Variants in ASTN2 observed in about 807,000 individuals in gnomAD.
ASTN2 encodes the protein astrotactin 2.
A neutral mutation model predicts 139.8 loss-of-function variants in ASTN2; 54 were observed. That is an observed-to-expected ratio of 0.39 (90% CI 0.31 to 0.48). The LOEUF (loss-of-function observed/expected upper bound fraction) is 0.48. Among genes scored for constraint, ASTN2 ranks in the 20% least tolerant of loss-of-function variants. The probability of loss-of-function intolerance (pLI) is 0.95; values close to 1 mark genes in which losing one functional copy is unlikely to be tolerated. For synonymous variants in ASTN2, 756 were observed against 719.5 expected, an observed-to-expected ratio of 1.05 and a Z score of -0.81; for missense variants, 1,565 against 1,725.1, an observed-to-expected ratio of 0.91 and a Z score of 1.64.
intron 10 of ASTN2, among the ~76,000 whole-genome samples, chr9:116,886,537 A>G (rs1833600270): frequency 1.1e-4 from 1 of 9,390 alleles, no homozygotes. Flanking sequence ...ACACCTGGCT[A>G]ATGTTGTTGT....
intron 10 of ASTN2, among the ~76,000 whole-genome samples, chr9:116,951,157 G>A (rs1835547087): frequency 6.6e-6 from 1 of 151,818 alleles, no homozygotes; most frequent in Non-Finnish European, 1.5e-5. Flanking sequence ...GACCAACATG[G>A]AGAAACCCTG....
chr9:117,121,621 C>T (rs1014861976), intron 4 of ASTN2, among the ~76,000 whole-genome samples: 6 of 152,192 alleles, frequency 3.9e-5, no homozygotes, highest in Admixed American at 6.5e-5. Context: ...AACAACCCTG[C>T]CATTTGTTAC....
chr9:116,699,245 A>G lies in ASTN2; in HGVS notation c.2806+26526T>C, dbSNP rs1057524533. The G allele has an allele frequency of 2.5e-6, 4 of 1,614,198 alleles. No homozygotes were observed. Among genetic ancestry groups the G allele is most frequent in the Non-Finnish European group, 3.4e-6 (4 of 1,180,030 alleles). ...TTTGGTGTTTCACAGTTGATCGAGG[A>G]TCAGGGGTGGTCAAATACAGCTGCC... On this transcript the variant is annotated intron_variant, in intron 16 of 22. Coordinates refer to ENST00000313400, the MANE Select transcript of ASTN2 (RefSeq NM_001365068.1). This position sits in a 1 kb window ranked among gnomAD's most constrained non-coding sequence, Gnocchi z 4.2.
chr9:117,254,457 C>A (rs777137066), intron 2 of ASTN2, among the ~76,000 whole-genome samples: 6 of 152,162 alleles, frequency 3.9e-5, no homozygotes, highest in Non-Finnish European at 5.9e-5. Flanking sequence ...ATTTGACCAA[C>A]AGCTCCTGAG....
intron 2 of ASTN2, among the ~76,000 whole-genome samples, chr9:117,249,028 C>T (rs900233493): frequency 2.0e-5 from 3 of 152,198 alleles, no homozygotes; most frequent in African/African-American, 7.2e-5. Context: ...TGGCATGTGA[C>T]AAGTCTTGCT....
intron 2 of ASTN2, among the ~76,000 whole-genome samples, chr9:117,285,370 T>C (rs999398795): frequency 6.6e-6 from 1 of 151,786 alleles, no homozygotes; most frequent in Admixed American, 6.6e-5. Flanking sequence ...ATTCCATGAT[T>C]GAATGATTAA....
intron 19 of ASTN2, among the ~76,000 whole-genome samples, chr9:116,509,812 A>G (rs945995221): frequency 6.6e-6 from 1 of 152,132 alleles, no homozygotes; most frequent in African/African-American, 2.4e-5. Context: ...GTCTTCTTTC[A>G]AGAAGTGTCT....
At chr9:116,856,573 A>G (rs746535789) in intron 11 of ASTN2, among the ~76,000 whole-genome samples, 2 of 152,222 alleles carry the variant, frequency 1.3e-5, no homozygotes, top group Non-Finnish European at 2.9e-5. Context: ...CTACTGAACC[A>G]GATTCCAGCT....
chr9:116,933,016 A>G (rs1220526051), intron 10 of ASTN2, among the ~76,000 whole-genome samples: 4 of 151,394 alleles, frequency 2.6e-5, no homozygotes, highest in South Asian at 4.2e-4. Context: ...AAAAAAAAAA[A>G]AAAAAAAAAA....
rs2133082216 is a variant in ASTN2, at chr9:117,245,947, T to C, written c.631-31205A>G. ...TTCATGTATTTTAATGAATATTGCATGAGTATTTACTAGTCCACTTCCCCC... is the reference window on the plus strand; with the variant it reads ...TTCATGTATTTTAATGAATATTGCACGAGTATTTACTAGTCCACTTCCCCC... On this transcript the variant is annotated intron_variant, in intron 2 of 22. Coordinates refer to ENST00000313400, the MANE Select transcript of ASTN2 (RefSeq NM_001365068.1). 2.0e-5 allele frequency among the ~76,000 whole-genome samples: 3 copies of C among 152,296 alleles called. No individual in the cohort carries two copies. In the South Asian group the frequency reaches 6.2e-4, roughly 32 times the overall value.
chr9:117,014,782 C>G (rs1422411294), intron 6 of ASTN2, among the ~76,000 whole-genome samples: 2 of 151,988 alleles, frequency 1.3e-5, no homozygotes, highest in African/African-American at 4.8e-5. Context: ...TATTGGGGCC[C>G]AGGTACACAT....
intron 1 of ASTN2, among the ~76,000 whole-genome samples, chr9:117,370,602 T>C (rs1052979425): frequency 6.6e-6 from 1 of 152,178 alleles, no homozygotes; most frequent in African/African-American, 2.4e-5. Flanking sequence ...TTATTAAATA[T>C]AAACAAGAAA....
chr9:116,965,640 G>A (rs897485297), intron 10 of ASTN2, among the ~76,000 whole-genome samples: 1 of 152,196 alleles, frequency 6.6e-6, no homozygotes, highest in African/African-American at 2.4e-5. Context: ...CCTCATTCCT[G>A]TGGCTGAGCT....
intron 2 of ASTN2, among the ~76,000 whole-genome samples, chr9:117,270,436 G>A (rs553662431): frequency 6.6e-6 from 1 of 152,228 alleles, no homozygotes; most frequent in East Asian, 1.9e-4. Flanking sequence ...GAATCATAAA[G>A]TATTTGTTTT....
intron 1 of ASTN2, among the ~76,000 whole-genome samples, chr9:117,379,682 T>A (rs757892376): frequency 6.6e-6 from 1 of 152,186 alleles, no homozygotes; most frequent in Non-Finnish European, 1.5e-5. Context: ...TCCAGGAGCA[T>A]GTAGATCATT....
intron 10 of ASTN2, among the ~76,000 whole-genome samples, chr9:116,958,983 T>C (rs1835802560): frequency 6.6e-6 from 1 of 151,758 alleles, no homozygotes; most frequent in Non-Finnish European, 1.5e-5. Flanking sequence ...GTGGCAAGAG[T>C]GAAGGCAGGA....
At chr9:117,141,260 C>T (rs1830067840) in intron 4 of ASTN2, 66 bp downstream of exon 4, 2 of 1,336,510 alleles carry the variant, frequency 1.5e-6, no homozygotes, top group East Asian at 4.6e-5. Context: ...CACAGATCTC[C>T]CTAGCATCTT....
At chr9:116,697,355 ATTAC>A (rs1242508089) in intron 16 of ASTN2, 2 of 272,874 alleles carry the variant, frequency 7.3e-6, no homozygotes, top group East Asian at 1.7e-4. Flanking sequence ...AGACACCATT[ATTAC>A]TTCTATTTTA....
At chr9:116,985,507 C>G (rs553254384) in intron 7 of ASTN2, among the ~76,000 whole-genome samples, 22 of 152,334 alleles carry the variant, frequency 1.4e-4, no homozygotes, top group Admixed American at 1.3e-3. Flanking sequence ...GCTCCAGGTT[C>G]TCAGCCAGGG....
Sources: allele counts gnomAD v4.1 joint callset (sites outside exome capture counted in the v4.1 genomes callset), GRCh38; gene constraint gnomAD v4.1.1; non-coding constraint Gnocchi (gnomAD v3.1); transcripts MANE v1.5; gene names NCBI Gene and HGNC (gene_info 2026-07-23, HGNC 2026-07-21).